Variants in NINL observed in about 807,000 individuals in gnomAD.
NINL encodes the protein ninein-like protein.
Under a neutral mutation model 160.3 loss-of-function variants are expected in NINL, and 153 were observed. The observed-to-expected ratio is 0.95, with a 90% CI of 0.84 to 1.09. The LOEUF (loss-of-function observed/expected upper bound fraction) is 1.09. NINL is among the 50% of genes least tolerant of loss of function. The pLI is 0.00. For synonymous variants in NINL, 800 were observed against 734.8 expected (o/e 1.09, Z -1.43); for missense variants, 1,829 against 1,764.0 (o/e 1.04, Z -0.66).
chr20:25,573,296 T>TAA (rs1568974055), intron 1 of NINL, among the ~76,000 whole-genome samples: 2 of 144,784 alleles, frequency 1.4e-5, no homozygotes, highest in African/African-American at 2.6e-5. Context: ...AAACTCCATC[T>TAA]CAAAAAAAAA....
chr20:25,516,508 C>T lies in NINL; in HGVS notation c.277+1245G>A, dbSNP rs1027015026. On this transcript the variant is annotated intron_variant, in intron 3 of 23. Transcript: ENST00000278886. ...AGACAATTTTAAGCTTAGATGCGCCCACCATGCACCAAGGAGAAGGACCTT... is the reference window on the plus strand; with the variant it reads ...AGACAATTTTAAGCTTAGATGCGCCTACCATGCACCAAGGAGAAGGACCTT... Among the ~76,000 whole-genome samples the T allele has an allele frequency of 9.2e-5, 14 of 152,288 alleles. 1 individual carries two copies. In the South Asian group the frequency reaches 2.9e-3, roughly 32 times the overall value.
intron 13 of NINL, 103 bp from the exon 14 acceptor site, chr20:25,482,203 C>T: frequency 7.4e-7 from 1 of 1,349,420 alleles, no homozygotes; most frequent in Non-Finnish European, 1.0e-6. Flanking sequence ...GTGAGGTGCA[C>T]TGTGAGGTGA....
intron 1 of NINL, among the ~76,000 whole-genome samples, chr20:25,548,416 C>G (rs1220178454): frequency 1.3e-5 from 2 of 152,190 alleles, no homozygotes; most frequent in Non-Finnish European, 2.9e-5. Flanking sequence ...ACAGGGTGTT[C>G]TGCAGATGGC....
Position 25,461,453 on chromosome 20 carries a change from T to C in NINL, c.3696+69A>G, listed in dbSNP as rs1015535100. On this transcript the variant is annotated intron_variant, in intron 21 of 23. Transcript: ENST00000278886. Reference sequence around the variant, plus strand: ...GGCTGGAGGAGGCCTGGCAACACCGTTGGCACTGCGGTGATGCTGCTCCCA... The same window carrying C: ...GGCTGGAGGAGGCCTGGCAACACCGCTGGCACTGCGGTGATGCTGCTCCCA... 33 of 916,366 alleles carry C rather than the reference T, an allele frequency of 3.6e-5. No individual in the cohort carries two copies. The Admixed American group carries it at 5.2e-4, about 14-fold the overall frequency. The allele number at this position is 916,366 out of a possible 1,614,324, so 56.8% of individuals were successfully genotyped here. A position where few individuals can be genotyped will look rare whatever the true frequency, so the allele number is the denominator to read the frequency against.
At chr20:25,464,269 T>A (rs769890536) in intron 19 of NINL, among the ~76,000 whole-genome samples, 1 of 152,102 alleles carries the variant, frequency 6.6e-6, no homozygotes, top group Admixed American at 6.5e-5. Context: ...ATACAAAAAT[T>A]AGCCGGGCTT....
At chr20:25,513,532 G>A (rs2064112847) in intron 3 of NINL, among the ~76,000 whole-genome samples, 1 of 152,200 alleles carries the variant, frequency 6.6e-6, no homozygotes, top group Non-Finnish European at 1.5e-5. Context: ...GCACCATCAA[G>A]GACTGGCCTA....
At chr20:25,490,828 G>A (rs2063615854) in intron 11 of NINL, among the ~76,000 whole-genome samples, 1 of 152,098 alleles carries the variant, frequency 6.6e-6, no homozygotes, top group Non-Finnish European at 1.5e-5. Flanking sequence ...AGTTAGGAGA[G>A]GAGGACACAG....
intron 5 of NINL, among the ~76,000 whole-genome samples, chr20:25,508,340 G>C (rs1213152908): frequency 6.6e-6 from 1 of 152,232 alleles, no homozygotes; most frequent in Non-Finnish European, 1.5e-5. Context: ...GGCCTCATTA[G>C]GGCATCCACT....
At chr20:25,469,380 CCT>C (rs2063032641) in intron 18 of NINL, among the ~76,000 whole-genome samples, 1 of 142,098 alleles carries the variant, frequency 7.0e-6, no homozygotes, top group Non-Finnish European at 1.5e-5. Flanking sequence ...GCCCTGCCCC[CCT>C]GACTCTCACT....
At chr20:25,506,144 C>T (rs2063957887) in intron 5 of NINL, among the ~76,000 whole-genome samples, 1 of 152,164 alleles carries the variant, frequency 6.6e-6, no homozygotes, top group Non-Finnish European at 1.5e-5. Context: ...CGCCTGGAAT[C>T]CCAGCTACTC....
rs2064108575 is a variant in NINL, at chr20:25,513,331, A to AGATAGCTAT, written c.278-326_278-325insATAGCTATC. ...CGAAACCTAGCTATCTATGCAAAGG[A>AGATAGCTAT]GCAATAAAACCTCCAATAATCCAAC... On this transcript the variant is annotated intron_variant, in intron 3 of 23. Coordinates refer to ENST00000278886, the MANE Select transcript of NINL (RefSeq NM_025176.6). Among the ~76,000 whole-genome samples, 19 of 152,350 alleles carry AGATAGCTAT rather than the reference A, an allele frequency of 1.2e-4. No individual in the cohort carries two copies. In the South Asian group the frequency reaches 3.9e-3, roughly 32 times the overall value.
At chr20:25,561,964 A>C (rs1245572754) in intron 1 of NINL, among the ~76,000 whole-genome samples, 14 of 81,090 alleles carry the variant, frequency 1.7e-4, no homozygotes, top group South Asian at 4.4e-4. Flanking sequence ...TCAGCCCCCC[A>C]CCCGGCCAGC....
At chr20:25,581,730 T>C (rs986907437) in intron 1 of NINL, among the ~76,000 whole-genome samples, 1 of 152,182 alleles carries the variant, frequency 6.6e-6, no homozygotes, top group Non-Finnish European at 1.5e-5. Context: ...TTGAACTCAC[T>C]GTAAAAGGGG....
chr20:25,463,144 C>T (rs1013957626), intron 19 of NINL, among the ~76,000 whole-genome samples: 4 of 152,126 alleles, frequency 2.6e-5, no homozygotes, highest in Admixed American at 6.5e-5. Context: ...TGGCCCCAAA[C>T]GTCACCAGTG....
chr20:25,459,288 C>T (rs1170525610), intron 21 of NINL, among the ~76,000 whole-genome samples: 1 of 152,144 alleles, frequency 6.6e-6, no homozygotes, highest in Non-Finnish European at 1.5e-5. Context: ...CAACACCCTG[C>T]GCCACACTGC....
chr20:25,569,825 C>T (rs145858909), intron 1 of NINL, among the ~76,000 whole-genome samples: 100 of 152,226 alleles, frequency 6.6e-4, no homozygotes, highest in Admixed American at 1.2e-3. Context: ...GGAAATGTCA[C>T]GACTGTCAAG....
At chr20:25,521,584 C>T (rs907109562) in intron 2 of NINL, among the ~76,000 whole-genome samples, 1 of 152,064 alleles carries the variant, frequency 6.6e-6, no homozygotes, top group Admixed American at 6.6e-5. Context: ...TGGCTAGGTG[C>T]CTATCCATGC....
intron 10 of NINL, among the ~76,000 whole-genome samples, chr20:25,492,410 G>A (rs2063659669): frequency 6.6e-6 from 1 of 152,134 alleles, no homozygotes; most frequent in Non-Finnish European, 1.5e-5. Flanking sequence ...CAAAGACCCA[G>A]GTGAGATGCT....
At chr20:25,558,165 A>G (rs185966110) in intron 1 of NINL, among the ~76,000 whole-genome samples, 32 of 152,206 alleles carry the variant, frequency 2.1e-4, no homozygotes, top group Non-Finnish European at 4.6e-4. Flanking sequence ...AACAAAGATA[A>G]ACATGCTGAG....
Sources: gnomAD v4.1 joint callset for allele counts (sites outside exome capture counted in the v4.1 genomes callset) on GRCh38, gnomAD v4.1.1 for gene constraint, MANE v1.5 for transcripts, NCBI Gene and HGNC (gene_info 2026-07-23, HGNC 2026-07-21) for gene names.